Variants in NKAIN3 observed in about 807,000 individuals in gnomAD.
NKAIN3 encodes the protein sodium/potassium transporting ATPase interacting 3.
Under a neutral mutation model 30.2 loss-of-function variants are expected in NKAIN3, and 25 were observed. That is an observed-to-expected ratio of 0.83 (90% CI 0.60 to 1.16). The LOEUF (loss-of-function observed/expected upper bound fraction) is 1.16, where lower values mean the gene tolerates loss of function less well. NKAIN3 is among the 50% of genes most tolerant of loss of function. NKAIN3 has a pLI of 0.00. For missense variants in NKAIN3, 225 were observed against 254.1 expected (o/e 0.89, Z 0.78); for synonymous variants, 91 against 89.6 (o/e 1.02, Z -0.09).
chr8:62,986,698 A>C (rs1369392979), downstream of NKAIN3, among the ~76,000 whole-genome samples: 1 of 152,082 alleles, frequency 6.6e-6, no homozygotes, highest in East Asian at 1.9e-4. Context: ...TGCATTTATT[A>C]TGGTACTCTT....
At chr8:62,956,671 A>C (rs1823427202) in intron 6 of NKAIN3, among the ~76,000 whole-genome samples, 1 of 152,236 alleles carries the variant, frequency 6.6e-6, no homozygotes. Flanking sequence ...CAAGCTAAAA[A>C]AAAGCCCACT....
chr8:62,831,223 AAAAT>A (rs943442753), intron 4 of NKAIN3, among the ~76,000 whole-genome samples: 1 of 152,098 alleles, frequency 6.6e-6, no homozygotes, highest in Non-Finnish European at 1.5e-5. Context: ...GGAAAATGAA[AAAAT>A]AAATAAATAC....
At chr8:62,846,600 A>G (rs1266478026) in intron 4 of NKAIN3, among the ~76,000 whole-genome samples, 2 of 152,054 alleles carry the variant, frequency 1.3e-5, no homozygotes, top group Non-Finnish European at 2.9e-5. Context: ...CAGTTCCTGC[A>G]TTAGTTTGCT....
chr8:62,770,785 T>TA lies in NKAIN3; in HGVS notation c.471+23668dup, dbSNP rs545554177. ...AATAAAATAAAAATAAAAGCAGAAT[T>TA]AAAAAAAAAAAACTAAGCAGAGACT... On this transcript the variant is annotated intron_variant, in intron 4 of 6. Transcript: ENST00000623646. 5.8e-3 allele frequency among the ~76,000 whole-genome samples: 803 copies of TA among 139,252 alleles called. 7 individuals carry two copies. Among genetic ancestry groups the TA allele is most frequent in the South Asian group, 0.035 (155 of 4,396 alleles). 91.4% of individuals were successfully genotyped at this position (139,252 alleles called of 152,430 possible). A position where few individuals can be genotyped will look rare whatever the true frequency, so the allele number is the denominator to read the frequency against.
At chr8:62,514,916 C>T (rs1206058385) in intron 1 of NKAIN3, among the ~76,000 whole-genome samples, 1 of 152,054 alleles carries the variant, frequency 6.6e-6, no homozygotes, top group African/African-American at 2.4e-5. Flanking sequence ...TCAGGTCCTT[C>T]CACCCCAAAA....
chr8:62,465,878 C>T (rs897851555), intron 1 of NKAIN3, among the ~76,000 whole-genome samples: 2 of 151,932 alleles, frequency 1.3e-5, no homozygotes, highest in Non-Finnish European at 2.9e-5. Flanking sequence ...CAAAAATTAG[C>T]CAGGTGTGGT....
intron 6 of NKAIN3, among the ~76,000 whole-genome samples, chr8:62,958,348 T>TC (rs1288588038): frequency 6.6e-6 from 1 of 151,908 alleles, no homozygotes; most frequent in African/African-American, 2.4e-5. Flanking sequence ...GATACACAGG[T>TC]CAGGAGTCAT....
chr8:62,736,262 C>CT (rs1418198457), intron 3 of NKAIN3, among the ~76,000 whole-genome samples: 1 of 152,136 alleles, frequency 6.6e-6, no homozygotes, highest in Non-Finnish European at 1.5e-5. Context: ...CGTCCTTTGT[C>CT]TTTGCCTACC....
intron 1 of NKAIN3, among the ~76,000 whole-genome samples, chr8:62,355,978 A>G (rs978095533): frequency 6.6e-6 from 1 of 152,220 alleles, no homozygotes; most frequent in Admixed American, 6.5e-5. Context: ...TTTTAAAGAC[A>G]ATATTTAAAA....
chr8:62,748,364 G>T (rs536582744), intron 4 of NKAIN3, among the ~76,000 whole-genome samples: 6 of 152,094 alleles, frequency 3.9e-5, no homozygotes, highest in African/African-American at 1.4e-4. Context: ...AAAATTGACC[G>T]ATTCTCAGGC....
intron 1 of NKAIN3, among the ~76,000 whole-genome samples, chr8:62,438,292 A>G (rs1194758222): frequency 1.3e-5 from 2 of 152,160 alleles, no homozygotes; most frequent in African/African-American, 4.8e-5. Flanking sequence ...TGAAGGAGAG[A>G]ATAAAATCAA....
At chr8:62,770,772 A>C (rs1816983582) in intron 4 of NKAIN3, among the ~76,000 whole-genome samples, 1 of 152,110 alleles carries the variant, frequency 6.6e-6, no homozygotes, top group South Asian at 2.1e-4. Flanking sequence ...TAAAATAAAA[A>C]TAAAAGCAGA....
intron 1 of NKAIN3, among the ~76,000 whole-genome samples, chr8:62,555,236 C>A (rs900738283): frequency 4.0e-5 from 6 of 151,772 alleles, no homozygotes; most frequent in African/African-American, 7.3e-5. Flanking sequence ...ACATAAAGAA[C>A]CAAGGTATCA....
rs115792176 is a variant in NKAIN3, at chr8:62,512,881, G to A, written c.55-66658G>A. On this transcript the variant is annotated intron_variant, in intron 1 of 6. Transcript: ENST00000623646. The stretch of plus-strand genomic sequence containing the variant: ...GGTTTTCATTTTCTCTGAACAGATG[G>A]TGCATTACCAACAAGTGACAAATGA... Among the ~76,000 whole-genome samples, 327 of 152,100 alleles carry A rather than the reference G, an allele frequency of 2.1e-3. 1 individual carries two copies. Among genetic ancestry groups the A allele is most frequent in the African/African-American group, 6.5e-3 (268 of 41,508 alleles).
intron 3 of NKAIN3, among the ~76,000 whole-genome samples, chr8:62,660,516 C>A (rs990770593): frequency 2.6e-5 from 4 of 151,638 alleles, no homozygotes; most frequent in African/African-American, 9.7e-5. Flanking sequence ...AGACGAAGAC[C>A]CAGAAAACTT....
intron 1 of NKAIN3, among the ~76,000 whole-genome samples, chr8:62,501,715 G>T (rs1395288667): frequency 6.6e-6 from 1 of 152,154 alleles, no homozygotes; most frequent in Non-Finnish European, 1.5e-5. Context: ...TGTTTGCTTA[G>T]TGATTACTCA....
chr8:62,319,927 TG>T (rs1814812154), intron 1 of NKAIN3, among the ~76,000 whole-genome samples: 1 of 152,134 alleles, frequency 6.6e-6, no homozygotes. Flanking sequence ...ATGTTGACAG[TG>T]GGGTGTTAAA....
chr8:62,312,847 G>A (rs918414522), intron 1 of NKAIN3, among the ~76,000 whole-genome samples: 1 of 150,846 alleles, frequency 6.6e-6, no homozygotes. Flanking sequence ...TGCTGTGATG[G>A]AGATGTGGGA....
At chr8:62,704,657 C>T (rs1814461234) in intron 3 of NKAIN3, among the ~76,000 whole-genome samples, 1 of 152,156 alleles carries the variant, frequency 6.6e-6, no homozygotes, top group Non-Finnish European at 1.5e-5. Context: ...TCAGATATCC[C>T]AAAGAGAGCC....
Sources: allele counts gnomAD v4.1 joint callset (sites outside exome capture counted in the v4.1 genomes callset), GRCh38; gene constraint gnomAD v4.1.1; transcripts MANE v1.5; gene names NCBI Gene and HGNC (gene_info 2026-07-23, HGNC 2026-07-21).